MYO1D: variants seen among roughly 807,000 people sequenced by gnomAD.
MYO1D encodes the protein myosin ID, also known as unconventional myosin-Id.
In MYO1D, 83 loss-of-function variants were observed where a neutral mutation model predicts 122.0. The ratio of observed to expected loss-of-function variants is 0.68; its 90% CI spans 0.57 to 0.82. The LOEUF (loss-of-function observed/expected upper bound fraction) is 0.82. MYO1D is among the 40% of genes least tolerant of loss of function. The probability of loss-of-function intolerance (pLI) is 0.00; values close to 1 mark genes in which losing one functional copy is unlikely to be tolerated. For missense variants in MYO1D, 1,157 were observed against 1,269.5 expected (o/e 0.91, Z 1.35); for synonymous variants, 464 against 446.9 (o/e 1.04, Z -0.48).
chr17:32,778,619 A>G, intron 2 of MYO1D, 46 bp from the exon 3 acceptor site: 1 of 1,472,838 alleles, frequency 6.8e-7, no homozygotes, highest in Non-Finnish European at 9.5e-7. Context: ...ATTTAAACCA[A>G]GAGTAAGCTA....
rs1042486556 is a variant in MYO1D at position 32,612,733 on chromosome 17, A to C, written c.2710-7492T>G. Among the ~76,000 whole-genome samples, 4 of 151,056 alleles carry C rather than the reference A, an allele frequency of 2.6e-5. No homozygotes were observed. In the East Asian group the frequency reaches 7.8e-4, roughly 29 times the overall value. On this transcript the variant is annotated intron_variant, in intron 20 of 21. Transcript: ENST00000318217. ...AAAAAGAAGAAGAAGAAATTAGAAG[A>C]GAAAAACTTTTGTAATTGTAATTTC...
chr17:32,748,060 A>G lies in MYO1D; in HGVS notation c.1538+876T>C, dbSNP rs139160527. Among the ~76,000 whole-genome samples, 245 of 152,278 alleles carry G rather than the reference A, an allele frequency of 1.6e-3. 1 individual carries two copies. The highest frequency in any genetic ancestry group is 1.7e-3 in the African/African-American group (71 of 41,564). On this transcript the variant is annotated intron_variant, in intron 12 of 21. Transcript: ENST00000318217. ...TTTTGAACTCCAGAACTGTGAAAGA[A>G]TAAGTTTTTGTTGACTTAAGCCACC...
At chr17:32,849,785 C>T (rs1345250295) in intron 1 of MYO1D, among the ~76,000 whole-genome samples, 2 of 145,996 alleles carry the variant, frequency 1.4e-5, no homozygotes, top group Non-Finnish European at 3.0e-5. Flanking sequence ...GCACAATGTG[C>T]ACATGTACCC....
chr17:32,861,224 C>G (rs934861025), intron 1 of MYO1D, among the ~76,000 whole-genome samples: 1 of 151,974 alleles, frequency 6.6e-6, no homozygotes, highest in Non-Finnish European at 1.5e-5. Flanking sequence ...CACCACCACA[C>G]GCAGCTAATT....
At chr17:32,543,547 G>C in intron 21 of MYO1D, among the ~76,000 whole-genome samples, 1 of 150,856 alleles carries the variant, frequency 6.6e-6, no homozygotes. Context: ...CTGCACTCCA[G>C]CCTGCGCAAC....
At chr17:32,700,943 C>CAAAAAAAAAAAAAAAA (rs751113475) in intron 16 of MYO1D, among the ~76,000 whole-genome samples, 2 of 78,220 alleles carry the variant, frequency 2.6e-5, no homozygotes, top group Non-Finnish European at 5.3e-5. Context: ...GACTCCATCT[C>CAAAAAAAAAAAAAAAA]AAAAAAAAAA....
intron 16 of MYO1D, among the ~76,000 whole-genome samples, chr17:32,710,936 A>G (rs1041934826): frequency 6.6e-6 from 1 of 152,234 alleles, no homozygotes; most frequent in Non-Finnish European, 1.5e-5. Flanking sequence ...GGGATATGGC[A>G]CATAGTAACC....
intron 21 of MYO1D, among the ~76,000 whole-genome samples, chr17:32,598,717 T>C (rs1436471103): frequency 6.6e-6 from 1 of 152,264 alleles, no homozygotes; most frequent in African/African-American, 2.4e-5. Flanking sequence ...TACATTATAC[T>C]GTAGTCTATT....
In MYO1D at chr17:32,614,556, T is replaced by C. The variant is rs370145488; in HGVS notation, c.2710-9315A>G. ...GGCTTTTTGCAGGACACCTGGTGAC[T>C]TTCTTTTCACCTTTCTCTGTTCTGT... is the stretch of plus-strand genomic sequence containing the variant. On this transcript the variant is annotated intron_variant, in intron 20 of 21. Coordinates refer to ENST00000318217, the MANE Select transcript of MYO1D (RefSeq NM_015194.3). Among the ~76,000 whole-genome samples the C allele has an allele frequency of 7.9e-5, 12 of 152,280 alleles. No individual in the cohort carries two copies. In the East Asian group the frequency reaches 1.5e-3, roughly 20 times the overall value.
chr17:32,867,884 T>C (rs2091142588), intron 1 of MYO1D, among the ~76,000 whole-genome samples: 1 of 143,548 alleles, frequency 7.0e-6, no homozygotes, highest in African/African-American at 2.6e-5. Context: ...ATAGGGTCTA[T>C]AGATAATGAG....
chr17:32,555,975 T>G (rs1215357545), intron 21 of MYO1D, among the ~76,000 whole-genome samples: 1 of 152,258 alleles, frequency 6.6e-6, no homozygotes, highest in Non-Finnish European at 1.5e-5. Context: ...CCTCGTTTTC[T>G]GCCTCAGAGC....
intron 21 of MYO1D, among the ~76,000 whole-genome samples, chr17:32,566,672 A>C (rs1332052748): frequency 6.6e-6 from 1 of 151,526 alleles, no homozygotes; most frequent in Non-Finnish European, 1.5e-5. Flanking sequence ...GGAACCAAAT[A>C]GAATCAATTA....
intron 12 of MYO1D, among the ~76,000 whole-genome samples, chr17:32,746,628 A>G (rs1401440027): frequency 6.6e-6 from 1 of 152,220 alleles, no homozygotes; most frequent in Non-Finnish European, 1.5e-5. Flanking sequence ...ATATGTATAT[A>G]CGTATGTATC....
chr17:32,510,108 A>T (rs1909638315), intron 21 of MYO1D: 1 of 152,242 alleles, frequency 6.6e-6, no homozygotes, highest in African/African-American at 2.4e-5. Context: ...TAGAAAGCTC[A>T]AGCAACTTCT....
At chr17:32,552,740 G>A (rs1003395084) in intron 21 of MYO1D, among the ~76,000 whole-genome samples, 2 of 152,266 alleles carry the variant, frequency 1.3e-5, no homozygotes, top group Middle Eastern at 3.4e-3. Context: ...TTCTTAAACC[G>A]GGACACGATT....
In MYO1D at chr17:32,631,533, G is replaced by C. The variant is rs144767964; in HGVS notation, c.2709+7189C>G. 4.0e-3 allele frequency among the ~76,000 whole-genome samples: 603 copies of C among 152,152 alleles called. 4 individuals carry two copies. Among genetic ancestry groups the C allele is most frequent in the African/African-American group, 0.014 (586 of 41,492 alleles). ...GTAGTGGCGTGCATCTGCAGTCCTA[G>C]CTACTTGGAAGGCTGAGGAGACAGG... On this transcript the variant is annotated intron_variant, in intron 20 of 21. Transcript: ENST00000318217.
At chr17:32,624,030 T>C (rs138650515) in intron 20 of MYO1D, among the ~76,000 whole-genome samples, 59 of 152,164 alleles carry the variant, frequency 3.9e-4, no homozygotes, top group African/African-American at 1.3e-3. Flanking sequence ...CACACACATA[T>C]ACGTAAGTGA....
intron 21 of MYO1D, among the ~76,000 whole-genome samples, chr17:32,520,254 C>A (rs1910087584): frequency 6.6e-6 from 1 of 152,126 alleles, no homozygotes; most frequent in Non-Finnish European, 1.5e-5. Context: ...CGGGACCTGC[C>A]GCACACTAGC....
chr17:32,623,260 G>A (rs1237731630), intron 20 of MYO1D, among the ~76,000 whole-genome samples: 19 of 152,142 alleles, frequency 1.2e-4, no homozygotes, highest in Admixed American at 1.2e-3. Flanking sequence ...TCCTTCTAAT[G>A]TTTATTATAT....
Sources: allele counts gnomAD v4.1 joint callset (sites outside exome capture counted in the v4.1 genomes callset), GRCh38; gene constraint gnomAD v4.1.1; transcripts MANE v1.5; gene names NCBI Gene and HGNC (gene_info 2026-07-23, HGNC 2026-07-21).